Variants in AGAP1 observed in about 807,000 individuals in gnomAD.
AGAP1 encodes arf-GAP with GTPase, ANK repeat and PH domain-containing protein 1.
AGAP1 carries 29 observed loss-of-function variants against 105.3 expected under a neutral mutation model. The ratio of observed to expected loss-of-function variants is 0.28; its 90% CI spans 0.21 to 0.38. The LOEUF (loss-of-function observed/expected upper bound fraction) is 0.38. Among genes scored for constraint, AGAP1 ranks in the 10% least tolerant of loss-of-function variants. AGAP1 has a pLI of 1.00. For synonymous variants in AGAP1, 509 were observed against 485.9 expected (o/e 1.05, Z -0.63); for missense variants, 998 against 1,165.1 (o/e 0.86, Z 2.09).
intron 1 of AGAP1, among the ~76,000 whole-genome samples, chr2:235,565,792 T>C (rs2149147711): frequency 6.6e-6 from 1 of 151,938 alleles, no homozygotes; most frequent in Non-Finnish European, 1.5e-5. Context: ...GCCTGAGTAG[T>C]TGGAACTACA....
chr2:235,949,336 AT>A (rs1312693369), intron 12 of AGAP1, among the ~76,000 whole-genome samples: 2 of 151,948 alleles, frequency 1.3e-5, no homozygotes, highest in South Asian at 2.1e-4. Flanking sequence ...TTCCATGATA[AT>A]TTTTTTTCTG....
rs1330593120 is a variant in AGAP1, at chr2:235,642,832, G to T, written c.164-66347G>T. 1.3e-5 allele frequency among the ~76,000 whole-genome samples: 2 copies of T among 152,230 alleles called. No homozygotes were observed. The highest frequency in any genetic ancestry group is 2.9e-5 in the Non-Finnish European group (2 of 68,042). On this transcript the variant is annotated intron_variant, in intron 1 of 17. Coordinates refer to ENST00000304032, the MANE Select transcript of AGAP1 (RefSeq NM_001037131.3). This position sits in a 1 kb window ranked among gnomAD's most constrained non-coding sequence, Gnocchi z 4.1. The stretch of plus-strand genomic sequence containing the variant: ...GAATAAAATTATTTTGCTTTGCAAA[G>T]ATTAGGCAAATCCCAGGTTGCTGAG...
chr2:235,639,731 C>G lies in AGAP1; in HGVS notation c.164-69448C>G, dbSNP rs1947128076. Among the ~76,000 whole-genome samples the G allele has an allele frequency of 6.6e-6, 1 of 152,192 alleles. No individual in the cohort carries two copies. The highest frequency in any genetic ancestry group is 2.1e-4 in the South Asian group (1 of 4,830). On this transcript the variant is annotated intron_variant, in intron 1 of 17. Transcript: ENST00000304032. The surrounding 1 kb of genome is among the most constrained non-coding windows in gnomAD (Gnocchi z 5.3). Reference sequence around the variant, plus strand: ...CTTGCCTCGCTGCATCTCGTGTTCTCAAAATCAGCACATGCCATCCCACAT... The same window carrying G: ...CTTGCCTCGCTGCATCTCGTGTTCTGAAAATCAGCACATGCCATCCCACAT...
At chr2:235,602,733 G>A (rs1043413496) in intron 1 of AGAP1, among the ~76,000 whole-genome samples, 1 of 151,950 alleles carries the variant, frequency 6.6e-6, no homozygotes, top group South Asian at 2.1e-4. Flanking sequence ...AAGGAATCTC[G>A]CTGTGTCACC....
intron 9 of AGAP1, among the ~76,000 whole-genome samples, chr2:235,871,244 A>G (rs1348817583): frequency 2.0e-5 from 3 of 152,236 alleles, no homozygotes; most frequent in Non-Finnish European, 4.4e-5. Flanking sequence ...TCAGTCCAGC[A>G]AGGTTTACAG....
At chr2:236,066,590 G>A (rs2058352235) in intron 16 of AGAP1, among the ~76,000 whole-genome samples, 1 of 152,194 alleles carries the variant, frequency 6.6e-6, no homozygotes, top group South Asian at 2.1e-4. Context: ...TTTTGAGATT[G>A]TTGAGATAAA....
At chr2:235,997,295 G>T (rs1331701876) in intron 13 of AGAP1, among the ~76,000 whole-genome samples, 1 of 152,172 alleles carries the variant, frequency 6.6e-6, no homozygotes, top group Non-Finnish European at 1.5e-5. Flanking sequence ...CTCCATGTTG[G>T]TCAGGCTGGT....
chr2:235,821,773 T>C (rs1958802138), intron 9 of AGAP1, among the ~76,000 whole-genome samples: 1 of 152,198 alleles, frequency 6.6e-6, no homozygotes. Context: ...CAGGATCCAA[T>C]CCAGGATCCC....
Position 235,979,548 on chromosome 2 carries a change from A to G in AGAP1, c.1645+10925A>G, listed in dbSNP as rs1474644959. Among the ~76,000 whole-genome samples the G allele has an allele frequency of 2.0e-5, 3 of 152,180 alleles. No individual in the cohort carries two copies. Among genetic ancestry groups the G allele is most frequent in the Admixed American group, 2.0e-4 (3 of 15,288 alleles). On this transcript the variant is annotated intron_variant, in intron 13 of 17. Coordinates refer to ENST00000304032, the MANE Select transcript of AGAP1 (RefSeq NM_001037131.3). The surrounding 1 kb of genome is among the most constrained non-coding windows in gnomAD (Gnocchi z 4.5). ...TGGCTTTCCACTCCACCCCTTTCTC[A>G]TCTCAGACATACCATAGGCACCAAG...
At chr2:236,006,003 G>A (rs189717133) in intron 13 of AGAP1, among the ~76,000 whole-genome samples, 1 of 152,282 alleles carries the variant, frequency 6.6e-6, no homozygotes, top group East Asian at 1.9e-4. Context: ...TGAGGGTGGG[G>A]TGTCTATGTA....
In AGAP1 at chr2:235,639,443, A is replaced by C. The variant is rs1347206489; in HGVS notation, c.164-69736A>C. ...TTTCCAGGGTGGGCAGAGGAAGAGG[A>C]GGCTGGGAAGGGAATTTGTTTCTCT... On this transcript the variant is annotated intron_variant, in intron 1 of 17. Transcript: ENST00000304032. The surrounding 1 kb of genome is among the most constrained non-coding windows in gnomAD (Gnocchi z 5.3). Among the ~76,000 whole-genome samples, 1 of 152,052 alleles carries C rather than the reference A, an allele frequency of 6.6e-6. No homozygotes were observed. Among genetic ancestry groups the C allele is most frequent in the African/African-American group, 2.4e-5 (1 of 41,382 alleles).
In AGAP1 at chr2:235,971,682, T is replaced by A. The variant is rs1488761580; in HGVS notation, c.1645+3059T>A. On this transcript the variant is annotated intron_variant, in intron 13 of 17. Coordinates refer to ENST00000304032, the MANE Select transcript of AGAP1 (RefSeq NM_001037131.3). The surrounding 1 kb of genome is among the most constrained non-coding windows in gnomAD (Gnocchi z 4.8). ...TCCAGCCTGGGCGACAGAGTGAGAC[T>A]CCGTCTCAAAAAAAAAAAAAATCTG... Among the ~76,000 whole-genome samples the A allele has an allele frequency of 6.7e-6, 1 of 149,968 alleles. No individual in the cohort carries two copies.
Position 235,659,988 on chromosome 2 carries a change from T to C in AGAP1, c.164-49191T>C, listed in dbSNP as rs1053793450. ...CCCCTCCATGGGCCCCTCAAGGCTG[T>C]AGACCCCTCTGTCTGACCAGCATCC... On this transcript the variant is annotated intron_variant, in intron 1 of 17. Transcript: ENST00000304032. The surrounding 1 kb of genome is among the most constrained non-coding windows in gnomAD (Gnocchi z 5.0). 2.6e-5 allele frequency among the ~76,000 whole-genome samples: 4 copies of C among 152,208 alleles called. No individual in the cohort carries two copies. The highest frequency in any genetic ancestry group is 7.2e-5 in the African/African-American group (3 of 41,458).
chr2:235,876,796 C>T (rs1297363974), intron 9 of AGAP1, among the ~76,000 whole-genome samples: 1 of 151,746 alleles, frequency 6.6e-6, no homozygotes, highest in Non-Finnish European at 1.5e-5. Flanking sequence ...CATCCCTGAT[C>T]GTTGCTGCCA....
At position 236,096,079 on chromosome 2, in the gene AGAP1, G is replaced by A. The variant is rs1405803916; in HGVS notation, c.2115-24113G>A. 6.6e-6 allele frequency among the ~76,000 whole-genome samples: 1 copy of A among 152,196 alleles called. No homozygotes were observed. The highest frequency in any genetic ancestry group is 1.5e-5 in the Non-Finnish European group (1 of 68,034). ...CGCTCAGGTACAGACCTCAGATTTG[G>A]TGGAAGCAATACTGATGATGGAACC... On this transcript the variant is annotated intron_variant, in intron 16 of 17. Transcript: ENST00000304032. The surrounding 1 kb of genome is among the most constrained non-coding windows in gnomAD (Gnocchi z 4.4).
intron 16 of AGAP1, among the ~76,000 whole-genome samples, chr2:236,069,426 A>G (rs2058439407): frequency 1.3e-5 from 2 of 152,108 alleles, no homozygotes; most frequent in Non-Finnish European, 2.9e-5. Context: ...AAACAGTGCA[A>G]CTTTGTTTTT....
At chr2:236,047,113 AAAG>A (rs2057744031) in intron 15 of AGAP1, among the ~76,000 whole-genome samples, 2 of 152,200 alleles carry the variant, frequency 1.3e-5, no homozygotes, top group South Asian at 4.1e-4. Context: ...TATCTCAAAA[AAAG>A]AGTAGTACTC....
At position 235,525,483 on chromosome 2, in the gene AGAP1, CGTGGAGGACTGATACATAAT is replaced by C. The variant is rs1559223610; in HGVS notation, c.163+30668_163+30687del. The stretch of plus-strand genomic sequence containing the variant: ...CATAACGTGGAGGACTGATACATAA[CGTGGAGGACTGATACATAAT>C]GTGGAGGACTGATACATAATGTGGA... On this transcript the variant is annotated intron_variant, in intron 1 of 17. Transcript: ENST00000304032. Among the ~76,000 whole-genome samples, 536 of 89,878 alleles carry C rather than the reference CGTGGAGGACTGATACATAAT, an allele frequency of 6.0e-3. 2 individuals are homozygous for C. The highest frequency in any genetic ancestry group is 0.022 in the African/African-American group (523 of 23,424). The allele number at this position is 89,878 out of a possible 152,430, so 59.0% of individuals were successfully genotyped here. A position where few individuals can be genotyped will look rare whatever the true frequency, so the allele number is the denominator to read the frequency against.
rs1205617459 is a variant in AGAP1 at position 235,659,096 on chromosome 2, C to T, written c.164-50083C>T. Among the ~76,000 whole-genome samples the T allele has an allele frequency of 3.3e-5, 5 of 152,172 alleles. No homozygotes were observed. The highest frequency in any genetic ancestry group is 2.1e-4 in the South Asian group (1 of 4,822). On this transcript the variant is annotated intron_variant, in intron 1 of 17. Coordinates refer to ENST00000304032, the MANE Select transcript of AGAP1 (RefSeq NM_001037131.3). This position sits in a 1 kb window ranked among gnomAD's most constrained non-coding sequence, Gnocchi z 5.0. ...AGCCTCCTTTTGCAAGTCCACCTGC[C>T]GTTCTGGGCTTGCCCTGGGGAAGGC... is the stretch of plus-strand genomic sequence containing the variant.
Sources: gnomAD v4.1 joint callset for allele counts (sites outside exome capture counted in the v4.1 genomes callset) on GRCh38, gnomAD v4.1.1 for gene constraint, Gnocchi (gnomAD v3.1) non-coding constraint, MANE v1.5 for transcripts, NCBI Gene and HGNC (gene_info 2026-07-23, HGNC 2026-07-21) for gene names.